MIA2: variants seen among roughly 807,000 people sequenced by gnomAD.
MIA2 encodes melanoma inhibitory activity protein 2.
Under a neutral mutation model 167.8 loss-of-function variants are expected in MIA2, and 127 were observed. That is an observed-to-expected ratio of 0.76 (90% CI 0.66 to 0.88). The LOEUF is 0.88. MIA2 is among the 40% of genes least tolerant of loss of function. MIA2 has a pLI of 0.00. For synonymous variants in MIA2, 552 were observed against 541.9 expected, an observed-to-expected ratio of 1.02 and a Z score of -0.26; for missense variants, 1,690 against 1,624.7, an observed-to-expected ratio of 1.04 and a Z score of -0.69.
intron 6 of MIA2, chr14:39,266,101 C>G: frequency 1.0e-6 from 1 of 985,402 alleles, no homozygotes; most frequent in Non-Finnish European, 1.2e-6. Context: ...GAGGTTACAT[C>G]AGGAAAATTT....
chr14:39,348,260 G>A (rs2073850303), intron 27 of MIA2, among the ~76,000 whole-genome samples: 1 of 152,158 alleles, frequency 6.6e-6, no homozygotes, highest in Non-Finnish European at 1.5e-5. Flanking sequence ...TTCTTTTGTA[G>A]ATGGTAACCT....
chr14:39,258,650 G>A (rs541154937), intron 6 of MIA2, among the ~76,000 whole-genome samples: 31 of 152,258 alleles, frequency 2.0e-4, no homozygotes, highest in African/African-American at 7.5e-4. Context: ...GCAATCATTT[G>A]GAGGAGAAGA....
At chr14:39,354,703 T>G (rs567324926), downstream of MIA2, among the ~76,000 whole-genome samples, 71 of 152,296 alleles carry the variant, frequency 4.7e-4, no homozygotes, top group Non-Finnish European at 7.5e-4. Context: ...GGTCTAACAT[T>G]TAAGTCTTTA....
intron 23 of MIA2, among the ~76,000 whole-genome samples, chr14:39,364,515 A>G (rs1194649470): frequency 6.7e-6 from 1 of 148,838 alleles, no homozygotes; most frequent in Admixed American, 6.7e-5. Flanking sequence ...CTTTACCAGT[A>G]AGTTTTATAC....
intron 6 of MIA2, chr14:39,266,690 G>A (rs1322356570): frequency 1.0e-6 from 1 of 985,522 alleles, no homozygotes; most frequent in Middle Eastern, 5.2e-4. Context: ...TGACTGGAAT[G>A]ACGGCGGCGG....
intron 26 of MIA2, 95 bp from the exon 27 acceptor site, chr14:39,347,618 A>G (rs540702242): frequency 2.4e-6 from 3 of 1,260,410 alleles, no homozygotes; most frequent in South Asian, 1.3e-5. Flanking sequence ...TGTGCCAACA[A>G]GGGGAGTGGG....
downstream of MIA2, chr14:39,351,378 C>CAAAAAAA (rs35230903): frequency 7.2e-6 from 1 of 139,842 alleles, no homozygotes; most frequent in Non-Finnish European, 1.6e-5. Flanking sequence ...ACCCTCACCT[C>CAAAAAAA]AAAAAAAAAA....
intron 18 of MIA2, among the ~76,000 whole-genome samples, chr14:39,311,466 C>CTTTTTTT (rs35478238): frequency 1.2e-4 from 5 of 43,324 alleles, no homozygotes; most frequent in Admixed American, 3.4e-4. Context: ...TGATGTGTTG[C>CTTTTTTT]TTTTTTTTTT....
chr14:39,307,193 T>A (rs2063475786), intron 17 of MIA2, among the ~76,000 whole-genome samples: 1 of 151,944 alleles, frequency 6.6e-6, no homozygotes, highest in Non-Finnish European at 1.5e-5. Context: ...TTTTACTAGA[T>A]AAAAACAGGC....
intron 25 of MIA2, among the ~76,000 whole-genome samples, chr14:39,329,954 G>A (rs976475022): frequency 3.3e-5 from 5 of 152,108 alleles, no homozygotes; most frequent in African/African-American, 1.2e-4. Context: ...TCTCTGCCAG[G>A]TTTTGGTATC....
chr14:39,322,733 C>T (rs1249642347), intron 24 of MIA2, among the ~76,000 whole-genome samples: 1 of 152,034 alleles, frequency 6.6e-6, no homozygotes, highest in Non-Finnish European at 1.5e-5. Flanking sequence ...GATCTCTCAC[C>T]ATACTTTCTT....
intron 9 of MIA2, among the ~76,000 whole-genome samples, chr14:39,288,954 C>G (rs1027899387): frequency 6.6e-5 from 10 of 152,076 alleles, no homozygotes; most frequent in Admixed American, 2.6e-4. Context: ...GTTTCTTGGT[C>G]TGGCTTAGGT....
chr14:39,322,303 G>A (rs1416881125), intron 24 of MIA2, among the ~76,000 whole-genome samples: 2 of 152,020 alleles, frequency 1.3e-5, no homozygotes, highest in East Asian at 3.9e-4. Flanking sequence ...AGTATTTTGG[G>A]AGGCCGACGG....
At chr14:39,324,952 G>T (rs1234795440) in intron 24 of MIA2, among the ~76,000 whole-genome samples, 1 of 152,194 alleles carries the variant, frequency 6.6e-6, no homozygotes, top group East Asian at 1.9e-4. Flanking sequence ...ACTGGGTGCA[G>T]TGGCTTACAA....
intron 6 of MIA2, among the ~76,000 whole-genome samples, chr14:39,264,491 C>G (rs1165728608): frequency 2.0e-5 from 3 of 152,106 alleles, no homozygotes; most frequent in African/African-American, 7.2e-5. Context: ...AATGGTGGTT[C>G]TATTTTTAAC....
downstream of MIA2, among the ~76,000 whole-genome samples, chr14:39,355,460 A>G (rs543454640): frequency 6.6e-6 from 1 of 152,092 alleles, no homozygotes. Flanking sequence ...GGGCTGAGAC[A>G]ATGGGGTTTT....
At chr14:39,310,999 A>T (rs1369735980) in intron 18 of MIA2, among the ~76,000 whole-genome samples, 1 of 152,224 alleles carries the variant, frequency 6.6e-6, no homozygotes, top group Non-Finnish European at 1.5e-5. Context: ...ATTGAGGTGA[A>T]AGAAATATTT....
chr14:39,279,424 G>C (rs1246218310), intron 8 of MIA2, 25 bp from the exon 9 acceptor site: 1 of 1,601,294 alleles, frequency 6.2e-7, no homozygotes, highest in Non-Finnish European at 8.5e-7. Context: ...ATTTACTCAT[G>C]GTAATATTGA....
intron 13 of MIA2, 40 bp from the exon 14 acceptor site, chr14:39,299,824 C>A: frequency 6.3e-7 from 1 of 1,579,516 alleles, no homozygotes. Context: ...TAATGATTCA[C>A]TTGTGTGATG....
Sources: gnomAD v4.1 joint callset for allele counts (sites outside exome capture counted in the v4.1 genomes callset) on GRCh38, gnomAD v4.1.1 for gene constraint, MANE v1.5 for transcripts, NCBI Gene and HGNC (gene_info 2026-07-23, HGNC 2026-07-21) for gene names.